Variants in NTRK3 observed in about 807,000 individuals in gnomAD.
NTRK3 encodes NT-3 growth factor receptor.
In NTRK3, 24 loss-of-function variants were observed where a neutral mutation model predicts 91.7. That is an observed-to-expected ratio of 0.26 (90% CI 0.19 to 0.37). NTRK3 has a LOEUF of 0.37. NTRK3 is among the 10% of genes least tolerant of loss of function. NTRK3 has a pLI of 1.00. For synonymous variants in NTRK3, 483 were observed against 404.0 expected (o/e 1.20, Z -2.34); for missense variants, 880 against 1,068.9 (o/e 0.82, Z 2.46).
chr15:88,232,889 A>G (rs912422088), intron 3 of NTRK3, among the ~76,000 whole-genome samples: 1 of 152,186 alleles, frequency 6.6e-6, no homozygotes, highest in Admixed American at 6.5e-5. Flanking sequence ...CCACACACCC[A>G]GGAACCCATC....
intron 14 of NTRK3, among the ~76,000 whole-genome samples, chr15:88,001,954 C>T (rs1187195373): frequency 6.6e-6 from 1 of 151,900 alleles, no homozygotes; most frequent in Non-Finnish European, 1.5e-5. Flanking sequence ...ATTAATTCTT[C>T]CAATCAATAT....
rs79337404 is a variant in NTRK3 at position 87,914,281 on chromosome 15, T to C, written c.2133+14910A>G. Reference sequence around the variant, plus strand: ...GGTGCTAACTCCATTCTTATGGGTATTTTAATTATTGTGAGACCTTCTCCA... The same window carrying C: ...GGTGCTAACTCCATTCTTATGGGTACTTTAATTATTGTGAGACCTTCTCCA... On this transcript the variant is annotated intron_variant, in intron 17 of 18. Coordinates refer to ENST00000394480, the Ensembl canonical transcript of NTRK3. 6.1e-3 allele frequency among the ~76,000 whole-genome samples: 936 copies of C among 152,336 alleles called. 15 individuals are homozygous for C. The highest frequency in any genetic ancestry group is 0.035 in the East Asian group (179 of 5,180).
chr15:88,235,194 C>G lies in NTRK3; in HGVS notation c.248+20712G>C, dbSNP rs2051584376. On this transcript the variant is annotated intron_variant, in intron 3 of 18. Transcript: ENST00000394480. The surrounding 1 kb of genome is among the most constrained non-coding windows in gnomAD (Gnocchi z 5.2). ...TCTTTGCTTGCATATCAACGGATGG[C>G]CTCTATCCACTGAATTGTAAGGTCC... Among the ~76,000 whole-genome samples, 1 of 152,218 alleles carries G rather than the reference C, an allele frequency of 6.6e-6. No individual in the cohort carries two copies. The highest frequency in any genetic ancestry group is 2.4e-5 in the African/African-American group (1 of 41,448).
chr15:88,077,983 C>T (rs1415467304), intron 13 of NTRK3, among the ~76,000 whole-genome samples: 1 of 152,218 alleles, frequency 6.6e-6, no homozygotes, highest in Non-Finnish European at 1.5e-5. Context: ...GCCTCCTGGG[C>T]TACAGGGATC....
At chr15:87,974,817 G>A (rs1326779997) in intron 14 of NTRK3, among the ~76,000 whole-genome samples, 1 of 152,194 alleles carries the variant, frequency 6.6e-6, no homozygotes, top group Non-Finnish European at 1.5e-5. Flanking sequence ...CCAGAAGGAA[G>A]TCAGGGATGG....
chr15:88,132,861 C>A (rs889989682), intron 10 of NTRK3, among the ~76,000 whole-genome samples: 1 of 152,150 alleles, frequency 6.6e-6, no homozygotes, highest in Admixed American at 6.5e-5. Context: ...CAGGGTGACC[C>A]TAGCAGGATG....
intron 13 of NTRK3, among the ~76,000 whole-genome samples, chr15:88,097,017 T>C (rs908813745): frequency 2.0e-5 from 3 of 152,218 alleles, no homozygotes; most frequent in Non-Finnish European, 4.4e-5. Context: ...GGTAGTGCTT[T>C]AGGCTTATGG....
chr15:88,182,847 G>A (rs2046607417), intron 5 of NTRK3, among the ~76,000 whole-genome samples: 1 of 152,086 alleles, frequency 6.6e-6, no homozygotes, highest in South Asian at 2.1e-4. Flanking sequence ...GATGAAGGAG[G>A]CACAGACAGG....
chr15:88,245,716 G>A (rs1027155580), intron 3 of NTRK3, among the ~76,000 whole-genome samples: 6 of 151,498 alleles, frequency 4.0e-5, no homozygotes, highest in East Asian at 1.9e-4. Flanking sequence ...ACACACACAC[G>A]TGCTCATTGA....
intron 13 of NTRK3, among the ~76,000 whole-genome samples, chr15:88,089,335 C>A (rs1027027308): frequency 6.6e-6 from 1 of 152,126 alleles, no homozygotes; most frequent in African/African-American, 2.4e-5. Flanking sequence ...CCAACCATTC[C>A]ATTTCTAGAA....
At chr15:88,246,764 G>A (rs186179818) in intron 3 of NTRK3, among the ~76,000 whole-genome samples, 1 of 152,272 alleles carries the variant, frequency 6.6e-6, no homozygotes, top group African/African-American at 2.4e-5. Context: ...CAGAAAGTCC[G>A]GGTCCTGGAG....
chr15:88,188,409 T>C (rs2047120789), intron 3 of NTRK3, among the ~76,000 whole-genome samples: 2 of 152,214 alleles, frequency 1.3e-5, no homozygotes, highest in Non-Finnish European at 2.9e-5. Context: ...AACAATGGCC[T>C]ACAGTGGGTA....
chr15:88,237,793 T>G lies in NTRK3; in HGVS notation c.248+18113A>C, dbSNP rs1272382929. On this transcript the variant is annotated intron_variant, in intron 3 of 18. Coordinates refer to ENST00000394480, the Ensembl canonical transcript of NTRK3. The surrounding 1 kb of genome is among the most constrained non-coding windows in gnomAD (Gnocchi z 4.0). ...ATGAGAAAAAAAAAATCAGCCTTGA[T>G]GAACTTCCACAGAATTCTGCACTCA... is the stretch of plus-strand genomic sequence containing the variant. Among the ~76,000 whole-genome samples, 1 of 152,204 alleles carries G rather than the reference T, an allele frequency of 6.6e-6. No individual in the cohort carries two copies. Among genetic ancestry groups the G allele is most frequent in the East Asian group, 1.9e-4 (1 of 5,200 alleles).
Position 88,068,711 on chromosome 15 carries a change from G to A in NTRK3, c.1397-35666C>T, listed in dbSNP as rs114095093. Among the ~76,000 whole-genome samples the A allele has an allele frequency of 6.6e-3, 1,003 of 152,244 alleles. 13 individuals carry two copies. The highest frequency in any genetic ancestry group is 0.022 in the African/African-American group (926 of 41,540). ...CACTGAACCCACTTAGCATGGGCCC[G>A]TGGCTATCCTGCTCAGCAACTCAGG... is the stretch of plus-strand genomic sequence containing the variant. On this transcript the variant is annotated intron_variant, in intron 13 of 18. Transcript: ENST00000394480.
chr15:88,113,377 G>C (rs928632313), intron 13 of NTRK3, among the ~76,000 whole-genome samples: 2 of 140,240 alleles, frequency 1.4e-5, no homozygotes, highest in African/African-American at 5.1e-5. Flanking sequence ...GTGCAGTGGC[G>C]TGATCTTGGC....
intron 17 of NTRK3, among the ~76,000 whole-genome samples, chr15:87,917,604 C>A (rs1008456435): frequency 2.0e-5 from 3 of 152,146 alleles, no homozygotes; most frequent in African/African-American, 7.2e-5. Context: ...AAATCTGATC[C>A]CCAGTGTTGG....
chr15:88,214,957 G>C (rs1021190776), intron 3 of NTRK3, among the ~76,000 whole-genome samples: 2 of 152,164 alleles, frequency 1.3e-5, no homozygotes, highest in African/African-American at 4.8e-5. Flanking sequence ...ATGACTTTCT[G>C]GGCCTTGCCC....
At chr15:88,166,402 C>T (rs954157306) in intron 5 of NTRK3, among the ~76,000 whole-genome samples, 21 of 152,172 alleles carry the variant, frequency 1.4e-4, no homozygotes, top group Non-Finnish European at 4.4e-5. Flanking sequence ...AAGGCAGTGG[C>T]ATTCGCTTAA....
Position 88,054,208 on chromosome 15 carries a change from C to A in NTRK3, c.1397-21163G>T, listed in dbSNP as rs115135189. 4.7e-3 allele frequency among the ~76,000 whole-genome samples: 711 copies of A among 152,294 alleles called. 4 individuals are homozygous for A. Among genetic ancestry groups the A allele is most frequent in the African/African-American group, 0.016 (677 of 41,558 alleles). Reference sequence around the variant, plus strand: ...GTCAATCCAAAAAATATATTGAATGCCTATTGCGAGCAAACCATTAAATAA... The same window carrying A: ...GTCAATCCAAAAAATATATTGAATGACTATTGCGAGCAAACCATTAAATAA... On this transcript the variant is annotated intron_variant, in intron 13 of 18. Transcript: ENST00000394480.
Sources: gnomAD v4.1 joint callset for allele counts (sites outside exome capture counted in the v4.1 genomes callset) on GRCh38, gnomAD v4.1.1 for gene constraint, Gnocchi (gnomAD v3.1) non-coding constraint, MANE v1.5 for transcripts, NCBI Gene and HGNC (gene_info 2026-07-23, HGNC 2026-07-21) for gene names.